VOPP1: variants seen among roughly 807,000 people sequenced by gnomAD.
VOPP1 encodes VOPP1 WW domain binding protein, also known as WW domain binding protein VOPP1.
VOPP1 carries 8 observed loss-of-function variants against 23.5 expected under a neutral mutation model. That is an observed-to-expected ratio of 0.34 (90% CI 0.20 to 0.61). The LOEUF is 0.61. VOPP1 is among the 20% of genes least tolerant of loss of function. VOPP1 has a pLI of 0.78. For synonymous variants in VOPP1, 83 were observed against 97.3 expected (o/e 0.85, Z 0.86); for missense variants, 174 against 238.1 (o/e 0.73, Z 1.77).
intron 4 of VOPP1, among the ~76,000 whole-genome samples, chr7:55,484,368 T>C (rs1792970276): frequency 6.6e-6 from 1 of 152,236 alleles, no homozygotes; most frequent in Admixed American, 6.5e-5. Flanking sequence ...CCAGTCTTTC[T>C]TCACTGAACC....
At chr7:55,497,554 TGGGGGGGG>T in intron 3 of VOPP1, 51 bp downstream of exon 3, 7 of 973,932 alleles carry the variant, frequency 7.2e-6, no homozygotes, top group Non-Finnish European at 1.0e-5. Flanking sequence ...ACAACACTGA[TGGGGGGGG>T]GGGGGGGGCA....
intron 1 of VOPP1, among the ~76,000 whole-genome samples, chr7:55,531,278 T>C (rs997360695): frequency 2.6e-5 from 4 of 152,110 alleles, no homozygotes; most frequent in African/African-American, 9.7e-5. Flanking sequence ...ACCTTTGTTA[T>C]CAGCTCAGTT....
At chr7:55,435,538 T>C (rs1313756499), downstream of VOPP1, among the ~76,000 whole-genome samples, 4 of 152,332 alleles carry the variant, frequency 2.6e-5, no homozygotes, top group South Asian at 4.1e-4. Context: ...GGTACACAGC[T>C]GTGGGCATAG....
At chr7:55,485,741 G>T (rs1793089940) in intron 4 of VOPP1, among the ~76,000 whole-genome samples, 1 of 152,192 alleles carries the variant, frequency 6.6e-6, no homozygotes, top group Non-Finnish European at 1.5e-5. Context: ...CAGACGGCAG[G>T]TTGGACGTGT....
intron 4 of VOPP1, among the ~76,000 whole-genome samples, chr7:55,450,109 T>C (rs2129001419): frequency 6.6e-6 from 1 of 152,304 alleles, no homozygotes; most frequent in African/African-American, 2.4e-5. Context: ...CCTACTTCCA[T>C]TTGCTGAGAA....
chr7:55,519,382 C>T (rs901364607), intron 2 of VOPP1, among the ~76,000 whole-genome samples: 1 of 152,188 alleles, frequency 6.6e-6, no homozygotes, highest in African/African-American at 2.4e-5. Flanking sequence ...CAAGTCAATA[C>T]AAGAACAGCA....
chr7:55,550,965 T>A (rs1048360279), intron 1 of VOPP1, among the ~76,000 whole-genome samples: 1 of 152,094 alleles, frequency 6.6e-6, no homozygotes. Flanking sequence ...GAAGGCTGTA[T>A]CTAAAATGAG....
chr7:55,549,999 C>T (rs564181757), intron 1 of VOPP1, among the ~76,000 whole-genome samples: 1 of 152,318 alleles, frequency 6.6e-6, no homozygotes, highest in African/African-American at 2.4e-5. Flanking sequence ...CTTCATGAGC[C>T]AGGCCTCTCC....
intron 2 of VOPP1, among the ~76,000 whole-genome samples, chr7:55,510,590 T>C (rs1583972084): frequency 1.3e-5 from 2 of 150,094 alleles, no homozygotes; most frequent in African/African-American, 2.4e-5. Context: ...TTTTTTTTTT[T>C]AGCTTTTAAT....
chr7:55,525,273 G>A (rs560015773), intron 1 of VOPP1, among the ~76,000 whole-genome samples: 17 of 152,192 alleles, frequency 1.1e-4, no homozygotes, highest in African/African-American at 3.1e-4. Context: ...GGTGGATCAC[G>A]AGTCAGGAGA....
chr7:55,555,809 C>T (rs1462232198), intron 1 of VOPP1, among the ~76,000 whole-genome samples: 1 of 152,162 alleles, frequency 6.6e-6, no homozygotes, highest in Non-Finnish European at 1.5e-5. Context: ...TTCCTGCTTA[C>T]AAAAACCTTT....
chr7:55,525,235 A>T (rs1192332900), intron 1 of VOPP1, among the ~76,000 whole-genome samples: 1 of 152,082 alleles, frequency 6.6e-6, no homozygotes, highest in African/African-American at 2.4e-5. Flanking sequence ...TCAAGCCTGT[A>T]ATCCCAGCAC....
At chr7:55,555,243 A>G (rs1773536905) in intron 1 of VOPP1, among the ~76,000 whole-genome samples, 1 of 152,222 alleles carries the variant, frequency 6.6e-6, no homozygotes, top group Non-Finnish European at 1.5e-5. Flanking sequence ...GGGAAGCGAC[A>G]GGAGAGGGAG....
chr7:55,523,197 C>A (rs1206672597), intron 1 of VOPP1, among the ~76,000 whole-genome samples: 2 of 152,146 alleles, frequency 1.3e-5, no homozygotes, highest in African/African-American at 4.8e-5. Flanking sequence ...GTGAGATGAT[C>A]CCCAAGATAC....
chr7:55,504,778 G>A (rs1794602230), intron 2 of VOPP1, among the ~76,000 whole-genome samples: 1 of 152,260 alleles, frequency 6.6e-6, no homozygotes, highest in Non-Finnish European at 1.5e-5. Context: ...AGGAAACAAT[G>A]CCTAGCTTGG....
intron 1 of VOPP1, among the ~76,000 whole-genome samples, chr7:55,529,419 T>G (rs1360780930): frequency 1.3e-5 from 2 of 150,252 alleles, no homozygotes; most frequent in Non-Finnish European, 2.9e-5. Flanking sequence ...AAGACTGGAT[T>G]CGCTGCAAGA....
Position 55,492,231 on chromosome 7 carries a change from G to A in VOPP1, c.328+51C>T, listed in dbSNP as rs556337918. ...TGCAGCAGTACCCTTTATAAATGTT[G>A]GCAGACGACACACACTGTGGGGAGG... On this transcript the variant is annotated intron_variant, in intron 4 of 4. Coordinates refer to ENST00000285279, the MANE Select transcript of VOPP1 (RefSeq NM_030796.5). The A allele has an allele frequency of 3.8e-6, 6 of 1,560,188 alleles. No homozygotes were observed. In the South Asian group the frequency reaches 7.1e-5, roughly 18 times the overall value.
At chr7:55,486,390 C>T (rs1294365898) in intron 4 of VOPP1, among the ~76,000 whole-genome samples, 1 of 152,192 alleles carries the variant, frequency 6.6e-6, no homozygotes, top group Non-Finnish European at 1.5e-5. Flanking sequence ...CTAGATGTAT[C>T]CACTTTATGC....
chr7:55,564,552 G>GATCACA (rs1179875568), intron 1 of VOPP1, among the ~76,000 whole-genome samples: 1 of 152,126 alleles, frequency 6.6e-6, no homozygotes, highest in Non-Finnish European at 1.5e-5. Context: ...AGCCAACTAT[G>GATCACA]ATCACAATCA....
Sources: allele counts gnomAD v4.1 joint callset (sites outside exome capture counted in the v4.1 genomes callset), GRCh38; gene constraint gnomAD v4.1.1; transcripts MANE v1.5; gene names NCBI Gene and HGNC (gene_info 2026-07-23, HGNC 2026-07-21).